CCDC88C: variants seen among roughly 807,000 people sequenced by gnomAD.
The protein encoded by CCDC88C is protein Daple.
In CCDC88C, 131 loss-of-function variants were observed where a neutral mutation model predicts 198.8. That is an observed-to-expected ratio of 0.66 (90% CI 0.57 to 0.76). CCDC88C has a LOEUF of 0.76. Ranked by LOEUF, CCDC88C falls within the 30% of genes least tolerant of loss-of-function variation. The probability of loss-of-function intolerance (pLI) is 0.00; values close to 1 mark genes in which losing one functional copy is unlikely to be tolerated. For synonymous variants in CCDC88C, 1,166 were observed against 1,114.7 expected (o/e 1.05, Z -0.92); for missense variants, 2,553 against 2,631.6 (o/e 0.97, Z 0.65).
chr14:91,408,974 G>T (rs904732275), intron 2 of CCDC88C, among the ~76,000 whole-genome samples: 3 of 151,980 alleles, frequency 2.0e-5, no homozygotes, highest in Non-Finnish European at 4.4e-5. Context: ...TCCCTGACCC[G>T]AGCACCTGGC....
At chr14:91,291,656 T>TGTGCTGCCATCTCCGGCAGACC (rs1287970972) in intron 23 of CCDC88C, among the ~76,000 whole-genome samples, 1 of 152,174 alleles carries the variant, frequency 6.6e-6, no homozygotes, top group African/African-American at 2.4e-5. Context: ...AGTGAGCCCC[T>TGTGCTGCCATCTCCGGCAGACC]GTGCTGCCAT....
chr14:91,343,151 T>A (rs1893375549), intron 5 of CCDC88C, among the ~76,000 whole-genome samples: 1 of 152,168 alleles, frequency 6.6e-6, no homozygotes, highest in Non-Finnish European at 1.5e-5. Flanking sequence ...AGATGAGGTC[T>A]CACTATGTTG....
rs1015971054 is a variant in CCDC88C at position 91,339,654 on chromosome 14, T to C, written c.625-192A>G. On this transcript the variant is annotated intron_variant, in intron 7 of 29. Coordinates refer to ENST00000389857, the MANE Select transcript of CCDC88C (RefSeq NM_001080414.4). The surrounding 1 kb of genome is among the most constrained non-coding windows in gnomAD (Gnocchi z 5.8). Reference sequence around the variant, plus strand: ...AAATATTTAGTGAAACAAAAGGGAGTGTACGAAGGAGGAGGGCCCCAAGCT... The same window carrying C: ...AAATATTTAGTGAAACAAAAGGGAGCGTACGAAGGAGGAGGGCCCCAAGCT... Among the ~76,000 whole-genome samples, 1 of 151,520 alleles carries C rather than the reference T, an allele frequency of 6.6e-6. No individual in the cohort carries two copies. Among genetic ancestry groups the C allele is most frequent in the African/African-American group, 2.4e-5 (1 of 41,236 alleles).
chr14:91,371,739 G>T lies in CCDC88C; in HGVS notation c.271-12028C>A, dbSNP rs1406170474. On this transcript the variant is annotated intron_variant, in intron 3 of 29. Coordinates refer to ENST00000389857, the MANE Select transcript of CCDC88C (RefSeq NM_001080414.4). This position sits in a 1 kb window ranked among gnomAD's most constrained non-coding sequence, Gnocchi z 4.2. The stretch of plus-strand genomic sequence containing the variant: ...GGCGCCTGCCCACACAGTGTCCCAT[G>T]TCCCACTCCACCGCTCACCCACCCA... 6.6e-6 allele frequency among the ~76,000 whole-genome samples: 1 copy of T among 152,182 alleles called. No individual in the cohort carries two copies. The highest frequency in any genetic ancestry group is 1.5e-5 in the Non-Finnish European group (1 of 68,020).
chr14:91,405,152 C>T (rs1232254423), intron 3 of CCDC88C, among the ~76,000 whole-genome samples: 1 of 152,044 alleles, frequency 6.6e-6, no homozygotes, highest in Admixed American at 6.6e-5. Context: ...GGACCCTTTG[C>T]CTCCCCAGGT....
chr14:91,338,627 T>C lies in CCDC88C; in HGVS notation c.810-57A>G. 1 of 1,329,548 alleles carries C rather than the reference T, an allele frequency of 7.5e-7. No individual in the cohort carries two copies. Among genetic ancestry groups the C allele is most frequent in the Non-Finnish European group, 1.1e-6 (1 of 945,666 alleles). 82.4% of individuals were successfully genotyped at this position (1,329,548 alleles called of 1,614,324 possible). On this transcript the variant is annotated intron_variant, in intron 8 of 29. Coordinates refer to ENST00000389857, the MANE Select transcript of CCDC88C (RefSeq NM_001080414.4). The surrounding 1 kb of genome is among the most constrained non-coding windows in gnomAD (Gnocchi z 4.8). ...AGGCAGCTTCCTCAACAAGCAGCCC[T>C]GGGAGCAGGCTGCCACTTCCTAAAA...
intron 3 of CCDC88C, among the ~76,000 whole-genome samples, chr14:91,403,605 C>A (rs533311158): frequency 2.0e-4 from 31 of 152,386 alleles, no homozygotes; most frequent in African/African-American, 7.2e-4. Context: ...TGAACCATTA[C>A]ATAAATCCAA....
chr14:91,338,410 T>C lies in CCDC88C; in HGVS notation c.891+79A>G. 7.8e-7 allele frequency: 1 copy of C among 1,278,752 alleles called. No individual in the cohort carries two copies. The allele number at this position is 1,278,752 out of a possible 1,614,324, so 79.2% of individuals were successfully genotyped here. On this transcript the variant is annotated intron_variant, in intron 9 of 29. Transcript: ENST00000389857. The surrounding 1 kb of genome is among the most constrained non-coding windows in gnomAD (Gnocchi z 4.8). The stretch of plus-strand genomic sequence containing the variant: ...TGGCTTAAAAGCGCTGCTGTTGAGC[T>C]CCTGACCCTCCAGGCCCCGTTACTG...
chr14:91,410,413 C>G (rs1374067446), intron 2 of CCDC88C, among the ~76,000 whole-genome samples: 1 of 152,032 alleles, frequency 6.6e-6, no homozygotes, highest in East Asian at 1.9e-4. Flanking sequence ...CTGGCTCATT[C>G]AAAGCCAATA....
Position 91,335,175 on chromosome 14 carries a change from C to T in CCDC88C, c.1050+2830G>A, listed in dbSNP as rs556544814. Among the ~76,000 whole-genome samples, 17 of 152,316 alleles carry T rather than the reference C, an allele frequency of 1.1e-4. No homozygotes were observed. The South Asian group carries it at 2.3e-3, about 20-fold the overall frequency. On this transcript the variant is annotated intron_variant, in intron 10 of 29. Coordinates refer to ENST00000389857, the MANE Select transcript of CCDC88C (RefSeq NM_001080414.4). ...AACTCCTGGGCCAGGGTTCCTCATC[C>T]GGTGGGACTCAGGAAAGCAGTGGTA...
In CCDC88C at chr14:91,272,879, G is replaced by A; in HGVS notation, c.5833C>T (p.Pro1945Ser). ...PAARTKPKAP[P>S]RSGEVATITP... The stretch of plus-strand genomic sequence containing the variant: ...ATGGTGGCCACCTCCCCTGAGCGTG[G>A]GGGCGCCTTGGGCTTGGTCCTGGCA... The change falls in exon 30 of 30, where the codon CCA becomes TCA. Residue 1945 changes from proline (P) to serine (S), a missense_variant. This residue lies in a region of CCDC88C where 1,293 missense variants were observed against 1,219.6 expected (regional missense o/e 1.06). Transcript: ENST00000389857. 1 of 1,588,512 alleles carries A rather than the reference G, an allele frequency of 6.3e-7. No individual in the cohort carries two copies. The highest frequency in any genetic ancestry group is 8.5e-7 in the Non-Finnish European group (1 of 1,170,886).
intron 13 of CCDC88C, among the ~76,000 whole-genome samples, chr14:91,318,917 CAAA>C (rs61183857): frequency 0.017 from 1,748 of 105,238 alleles, 32 homozygotes; most frequent in African/African-American, 0.059. Flanking sequence ...AGACTCCGTC[CAAA>C]AAAAAAAAAA....
rs1891656162 is a variant in CCDC88C at position 91,308,460 on chromosome 14, G to A, written c.2897C>T (p.Ser966Leu). The change falls in exon 17 of 30, where the codon TCA becomes TTA. Residue 966 changes from serine to leucine, a missense_variant. By Grantham distance (145) the Ser-to-Leu change is moderately radical. This residue lies in a region of CCDC88C where 1,260 missense variants were observed against 1,412.0 expected (regional missense o/e 0.89). Transcript: ENST00000389857. Reference sequence around the variant, plus strand: ...CATGGCTAGTGTTGTTTTTAATGCTGATTCATTTCTGCCCTCCAAAATCTT... The same window carrying A: ...CATGGCTAGTGTTGTTTTTAATGCTAATTCATTTCTGCCCTCCAAAATCTT... ...KYKILEGRNESALKTTLAMKE... is the reference protein window; with the variant it reads ...KYKILEGRNELALKTTLAMKE... 1.2e-6 allele frequency: 2 copies of A among 1,613,880 alleles called. No individual in the cohort carries two copies. The highest frequency in any genetic ancestry group is 1.3e-5 in the African/African-American group (1 of 75,020).
At chr14:91,296,810 G>T (rs1891027032) in intron 22 of CCDC88C, among the ~76,000 whole-genome samples, 1 of 152,160 alleles carries the variant, frequency 6.6e-6, no homozygotes, top group Non-Finnish European at 1.5e-5. Context: ...ATGTGCTGAG[G>T]TCTGTTAAGA....
chr14:91,380,882 C>A (rs764827352), intron 3 of CCDC88C, among the ~76,000 whole-genome samples: 2 of 152,142 alleles, frequency 1.3e-5, no homozygotes, highest in Non-Finnish European at 2.9e-5. Context: ...CCTTCTGTGA[C>A]TATAACCACT....
At position 91,313,473 on chromosome 14, in the gene CCDC88C, C is replaced by G. The variant is rs1396545620; in HGVS notation, c.2343G>C (p.Lys781Asn). The change falls in exon 15 of 30, where the codon AAG becomes AAC. Residue 781 changes from lysine to asparagine, a missense_variant. Lys to Asn is a moderately conservative substitution (Grantham distance 94, BLOSUM62 0). Around this residue, in one of 2 missense-constraint regions of CCDC88C, gnomAD observed 1,260 missense variants for 1,412.0 expected, o/e 0.89. Transcript: ENST00000389857. The surrounding 1 kb of genome is among the most constrained non-coding windows in gnomAD (Gnocchi z 5.2). ...CCAGCTCACTCTCCAAGGTCTGCGT[C>G]TTGTGGCTGCTGCTCTCCAGGCTCT... ...LQQSLESSSH[K>N]TQTLESELGE... is the part of the protein sequence containing the mutation. 6.2e-7 allele frequency: 1 copy of G among 1,607,350 alleles called. No homozygotes were observed. The highest frequency in any genetic ancestry group is 1.1e-5 in the South Asian group (1 of 91,090).
intron 15 of CCDC88C, among the ~76,000 whole-genome samples, 192 bp downstream of exon 15, chr14:91,312,888 G>A (rs774285105): frequency 2.6e-5 from 4 of 152,210 alleles, no homozygotes; most frequent in Non-Finnish European, 5.9e-5. Flanking sequence ...TATGAGAAGC[G>A]TTATCTCTGG....
intron 3 of CCDC88C, among the ~76,000 whole-genome samples, chr14:91,389,554 T>C (rs1311188956): frequency 1.3e-5 from 2 of 152,066 alleles, no homozygotes; most frequent in East Asian, 3.9e-4. Context: ...ATTGCTTTGA[T>C]GTGGAAAAAC....
At chr14:91,323,417 A>G (rs1951012817) in intron 12 of CCDC88C, among the ~76,000 whole-genome samples, 1 of 152,200 alleles carries the variant, frequency 6.6e-6, no homozygotes, top group South Asian at 2.1e-4. Context: ...TAAGGAAACT[A>G]AAGTTTTAAG....
Sources: allele counts gnomAD v4.1 joint callset (sites outside exome capture counted in the v4.1 genomes callset), GRCh38; gene constraint gnomAD v4.1.1; regional missense constraint gnomAD v4.1.1; non-coding constraint Gnocchi (gnomAD v3.1); transcripts MANE v1.5; gene names NCBI Gene and HGNC (gene_info 2026-07-23, HGNC 2026-07-21).